RIT2: variants seen among roughly 807,000 people sequenced by gnomAD.
The protein encoded by RIT2 is Ras like without CAAX 2.
Under a neutral mutation model 23.7 loss-of-function variants are expected in RIT2, and 24 were observed. The ratio of observed to expected loss-of-function variants is 1.01; its 90% CI spans 0.73 to 1.43. The LOEUF (loss-of-function observed/expected upper bound fraction) is 1.43. RIT2 is among the 40% of genes most tolerant of loss of function. RIT2 has a pLI of 0.00. For missense variants in RIT2, 236 were observed against 266.9 expected (o/e 0.88, Z 0.81); for synonymous variants, 107 against 91.1 (o/e 1.17, Z -0.99).
At chr18:43,074,499 A>G (rs1912967243) in intron 1 of RIT2, among the ~76,000 whole-genome samples, 2 of 152,202 alleles carry the variant, frequency 1.3e-5, no homozygotes, top group South Asian at 4.1e-4. Context: ...CTGAAATTTT[A>G]TGGATACCTA....
intron 1 of RIT2, among the ~76,000 whole-genome samples, chr18:43,090,011 A>G (rs1252570723): frequency 1.3e-5 from 2 of 152,156 alleles, no homozygotes; most frequent in Non-Finnish European, 2.9e-5. Context: ...GCCAAAAGCA[A>G]TTGCAACAAA....
chr18:42,929,879 G>A (rs1909283560), intron 3 of RIT2, among the ~76,000 whole-genome samples: 1 of 152,056 alleles, frequency 6.6e-6, no homozygotes, highest in African/African-American at 2.4e-5. Flanking sequence ...AGAGAACACT[G>A]GCAATTATGT....
intron 4 of RIT2, among the ~76,000 whole-genome samples, chr18:42,791,558 C>A (rs1914044576): frequency 6.6e-6 from 1 of 152,144 alleles, no homozygotes; most frequent in African/African-American, 2.4e-5. Flanking sequence ...TTTCCACTTC[C>A]TTTATACAAT....
chr18:43,041,064 G>C (rs1427329807), intron 1 of RIT2, among the ~76,000 whole-genome samples: 1 of 152,014 alleles, frequency 6.6e-6, no homozygotes, highest in East Asian at 1.9e-4. Flanking sequence ...ATCTAGATAG[G>C]AGTACATCTG....
intron 1 of RIT2, among the ~76,000 whole-genome samples, chr18:43,067,190 C>CCA (rs752835975): frequency 1.3e-5 from 2 of 151,858 alleles, no homozygotes; most frequent in Non-Finnish European, 2.9e-5. Flanking sequence ...TAGTAGGACA[C>CCA]CACACACACA....
intron 4 of RIT2, among the ~76,000 whole-genome samples, chr18:42,784,851 C>T (rs922852502): frequency 2.6e-5 from 4 of 151,792 alleles, no homozygotes; most frequent in Admixed American, 1.3e-4. Flanking sequence ...TCAAACAGAC[C>T]GAAACTTGAA....
Position 42,771,716 on chromosome 18 carries a change from G to C in RIT2, c.427-27996C>G, listed in dbSNP as rs76819365. On this transcript the variant is annotated intron_variant, in intron 4 of 4. Transcript: ENST00000326695. Reference sequence around the variant, plus strand: ...TTCTAGTTTATTTTCCAGATAATTTGTGTTATATCTGTTGGGATGCAGCCT... The same window carrying C: ...TTCTAGTTTATTTTCCAGATAATTTCTGTTATATCTGTTGGGATGCAGCCT... Among the ~76,000 whole-genome samples the C allele has an allele frequency of 4.9e-3, 741 of 152,200 alleles. 6 individuals carry two copies. The East Asian group carries it at 0.054, about 11-fold the overall frequency.
At chr18:42,938,228 T>C (rs1909509859) in intron 3 of RIT2, among the ~76,000 whole-genome samples, 2 of 152,108 alleles carry the variant, frequency 1.3e-5, no homozygotes, top group Admixed American at 1.3e-4. Flanking sequence ...GCCAAGGGGA[T>C]AAAATAATGG....
intron 2 of RIT2, among the ~76,000 whole-genome samples, chr18:43,031,806 A>C (rs781230393): frequency 6.6e-6 from 1 of 152,090 alleles, no homozygotes; most frequent in African/African-American, 2.4e-5. Context: ...GGATTGAAAA[A>C]TATTTATTTC....
intron 2 of RIT2, among the ~76,000 whole-genome samples, chr18:42,999,228 T>C (rs1911052386): frequency 6.6e-6 from 1 of 152,070 alleles, no homozygotes; most frequent in Non-Finnish European, 1.5e-5. Context: ...GATTTTTTCA[T>C]AGGCACTATG....
Position 42,903,528 on chromosome 18 carries a change from C to A in RIT2, c.426+20044G>T, listed in dbSNP as rs115174953. Among the ~76,000 whole-genome samples, 7 of 152,034 alleles carry A rather than the reference C, an allele frequency of 4.6e-5. No homozygotes were observed. In the East Asian group the frequency reaches 1.2e-3, roughly 25 times the overall value. On this transcript the variant is annotated intron_variant, in intron 4 of 4. Coordinates refer to ENST00000326695, the MANE Select transcript of RIT2 (RefSeq NM_002930.4). Reference sequence around the variant, plus strand: ...CAAACTAAAAAAATAAAACTTGACACAATTTTTATGCTATTTAGATGAATA... The same window carrying A: ...CAAACTAAAAAAATAAAACTTGACAAAATTTTTATGCTATTTAGATGAATA...
chr18:42,832,740 G>A (rs1906494281), intron 4 of RIT2, among the ~76,000 whole-genome samples: 1 of 144,736 alleles, frequency 6.9e-6, no homozygotes, highest in Non-Finnish European at 1.5e-5. Flanking sequence ...TCACCCTCCT[G>A]TGTTATCAAA....
chr18:42,795,570 T>G (rs550144713), intron 4 of RIT2, among the ~76,000 whole-genome samples: 41 of 152,302 alleles, frequency 2.7e-4, no homozygotes, highest in African/African-American at 8.4e-4. Flanking sequence ...AGCCCCCTGC[T>G]CCACGGCGCC....
At chr18:42,913,220 CA>C (rs201475221) in intron 4 of RIT2, among the ~76,000 whole-genome samples, 10 of 142,860 alleles carry the variant, frequency 7.0e-5, no homozygotes, top group African/African-American at 1.3e-4. Flanking sequence ...CAAATTTATA[CA>C]AAAAAAAATG....
chr18:43,111,806 A>G (rs1046118979), intron 1 of RIT2, among the ~76,000 whole-genome samples: 2 of 152,074 alleles, frequency 1.3e-5, no homozygotes, highest in Non-Finnish European at 2.9e-5. Context: ...AGCAGCTTCA[A>G]TGGTGTCAGA....
intron 2 of RIT2, among the ~76,000 whole-genome samples, chr18:42,995,461 C>A (rs1039776351): frequency 1.2e-4 from 18 of 152,222 alleles, no homozygotes; most frequent in Admixed American, 2.0e-4. Context: ...TTCTTCCCTT[C>A]TGTCAGACAT....
chr18:42,961,711 T>C (rs1910097258), intron 3 of RIT2, among the ~76,000 whole-genome samples: 1 of 152,172 alleles, frequency 6.6e-6, no homozygotes, highest in African/African-American at 2.4e-5. Flanking sequence ...AGCCACTGGG[T>C]GTGTTGCTAT....
chr18:42,865,902 C>T (rs191287775), intron 4 of RIT2, among the ~76,000 whole-genome samples: 10 of 152,264 alleles, frequency 6.6e-5, no homozygotes, highest in Non-Finnish European at 1.0e-4. Context: ...CTTCAGGCTG[C>T]ATCTTCTGCC....
intron 2 of RIT2, among the ~76,000 whole-genome samples, chr18:43,014,402 A>G (rs1441600123): frequency 2.6e-5 from 4 of 151,774 alleles, no homozygotes; most frequent in East Asian, 1.9e-4. Context: ...ACAGCATTGC[A>G]GGACATACTA....
Sources: allele counts gnomAD v4.1 joint callset (sites outside exome capture counted in the v4.1 genomes callset), GRCh38; gene constraint gnomAD v4.1.1; transcripts MANE v1.5; gene names NCBI Gene and HGNC (gene_info 2026-07-23, HGNC 2026-07-21).